The following SYNE1 variants were observed in gnomAD, a reference collection of about 807,000 sequenced individuals.
SYNE1 encodes nesprin-1.
In SYNE1, 616 loss-of-function variants were observed where a neutral mutation model predicts 1,111.0. The ratio of observed to expected loss-of-function variants is 0.55; its 90% confidence interval spans 0.52 to 0.59. The LOEUF (loss-of-function observed/expected upper bound fraction) is 0.59, where lower values mean the gene tolerates loss of function less well. Ranked by LOEUF, SYNE1 falls within the 20% of genes least tolerant of loss-of-function variation. The pLI is 0.00. For missense variants in SYNE1, 10,006 were observed against 10,417.0 expected, an observed-to-expected ratio of 0.96 and a Z score of 1.72; for synonymous variants, 3,855 against 3,825.8, an observed-to-expected ratio of 1.01 and a Z score of -0.28.
intron 4 of SYNE1, among the ~76,000 whole-genome samples, chr6:152,537,139 G>C (rs1594904489): frequency 6.6e-6 from 1 of 151,988 alleles, no homozygotes; most frequent in East Asian, 1.9e-4. Flanking sequence ...GAAAATTATA[G>C]GTTCAATGTC....
rs1319577220 is a variant in SYNE1, at chr6:152,155,534, G to A, written c.23978+376C>T. 1.2e-5 allele frequency: 4 copies of A among 339,702 alleles called. No individual in the cohort carries two copies. The East Asian group carries it at 2.3e-4, about 20-fold the overall frequency. 21.0% of individuals were successfully genotyped at this position (339,702 alleles called of 1,614,324 possible). A position where few individuals can be genotyped will look rare whatever the true frequency, so the allele number is the denominator to read the frequency against. On this transcript the variant is annotated intron_variant, in intron 132 of 145. Coordinates refer to ENST00000367255, the MANE Select transcript of SYNE1 (RefSeq NM_182961.4). ...TGATGATCACTTTGTAACACAGCACGATTTTCTGCCACCTTGAATTTCAAA... is the reference window on the plus strand; with the variant it reads ...TGATGATCACTTTGTAACACAGCACAATTTTCTGCCACCTTGAATTTCAAA...
In SYNE1 at chr6:152,442,150, G is replaced by A. The variant is rs774093065; in HGVS notation, c.3933C>T (p.His1311=). 1.9e-6 allele frequency: 3 copies of A among 1,613,770 alleles called. No individual in the cohort carries two copies. Among genetic ancestry groups the A allele is most frequent in the Admixed American group, 1.7e-5 (1 of 60,016 alleles). ...TGCTCTCCAGCTTCCGCAGCTCCTC[G>A]TGGCCTCGGTCAGGCAGCCCCCCTT... is the stretch of plus-strand genomic sequence containing the variant. The part of the protein sequence containing the change: ...QGEGGLPDRG[H]EELRKLESTL... The change falls in exon 31 of 146, where the codon CAC becomes CAT. Residue 1311 remains histidine, a synonymous_variant. Transcript: ENST00000367255.
chr6:152,613,784 A>G (rs1234516567), intron 3 of SYNE1, among the ~76,000 whole-genome samples: 1 of 150,400 alleles, frequency 6.6e-6, no homozygotes, highest in African/African-American at 2.4e-5. Flanking sequence ...GTACCAAAAC[A>G]GATATATAGA....
At chr6:152,567,771 C>T (rs1399399667) in intron 3 of SYNE1, among the ~76,000 whole-genome samples, 1 of 152,062 alleles carries the variant, frequency 6.6e-6, no homozygotes, top group Non-Finnish European at 1.5e-5. Flanking sequence ...CTGACTTCCT[C>T]ATGTAGAAAA....
At position 152,278,398 on chromosome 6, in the gene SYNE1, T is replaced by C. The variant is rs369199155; in HGVS notation, c.18382-118A>G. ...TTACGAAACGGACAGGCTTTCATGATTTTTTGTAGTTTTCCCACGGCCTTG... is the reference window on the plus strand; with the variant it reads ...TTACGAAACGGACAGGCTTTCATGACTTTTTGTAGTTTTCCCACGGCCTTG... On this transcript the variant is annotated intron_variant, in intron 97 of 145. Coordinates refer to ENST00000367255, the MANE Select transcript of SYNE1 (RefSeq NM_182961.4). 3 of 1,209,122 alleles carry C rather than the reference T, an allele frequency of 2.5e-6. No individual in the cohort carries two copies. The African/African-American group carries it at 4.4e-5, about 18-fold the overall frequency. The allele number at this position is 1,209,122 out of a possible 1,614,324, so 74.9% of individuals were successfully genotyped here.
In SYNE1 at chr6:152,450,791, T is replaced by C; in HGVS notation, c.3229A>G (p.Arg1077Gly). ...CAGAGTTCCTCGATGAGCTGTAACC[T>C]TTTCTCACAGAGATGATGAGGACCT... ...DKGPHHLCEKRLQLIEELCVK... is the reference protein window; with the variant it reads ...DKGPHHLCEKGLQLIEELCVK... The change falls in exon 27 of 146, where the codon AGG becomes GGG. Residue 1077 changes from arginine to glycine, a missense_variant. This residue lies in a region of SYNE1 where 1,971 missense variants were observed against 2,084.1 expected (regional missense o/e 0.95). Transcript: ENST00000367255. 1 of 1,614,102 alleles carries C rather than the reference T, an allele frequency of 6.2e-7. No homozygotes were observed. Among genetic ancestry groups the C allele is most frequent in the Non-Finnish European group, 8.5e-7 (1 of 1,180,032 alleles).
intron 117 of SYNE1, among the ~76,000 whole-genome samples, chr6:152,222,792 G>A (rs1217039596): frequency 6.6e-6 from 1 of 152,146 alleles, no homozygotes; most frequent in Non-Finnish European, 1.5e-5. Flanking sequence ...CTACACAGGA[G>A]GGATAAGCTT....
chr6:152,235,100 C>T (rs763390720), intron 110 of SYNE1, among the ~76,000 whole-genome samples: 11 of 152,118 alleles, frequency 7.2e-5, no homozygotes, highest in African/African-American at 2.2e-4. Context: ...GAAATAAAGG[C>T]GGCTTAGACA....
chr6:152,465,015 C>T, intron 18 of SYNE1: 1 of 537,824 alleles, frequency 1.9e-6, no homozygotes, highest in Non-Finnish European at 3.3e-6. Flanking sequence ...CATAGACAGA[C>T]TTCAGGGTAA....
chr6:152,330,371 A>G lies in SYNE1; in HGVS notation c.14314T>C (p.Leu4772=). 6.2e-7 allele frequency: 1 copy of G among 1,614,092 alleles called. No individual in the cohort carries two copies. Among genetic ancestry groups the G allele is most frequent in the Non-Finnish European group, 8.5e-7 (1 of 1,180,016 alleles). ...LKRQTEQRVS[L]LEDTTSAYQE... is the part of the protein sequence containing the mutation. ...TAAGCACTGGTGGTGTCTTCTAATA[A>G]GCTAACCCTCTGTTCTGTTTGTCGC... is the stretch of plus-strand genomic sequence containing the variant. Residue 4772 remains leucine (L), a synonymous_variant, in exon 78 of 146, where the codon TTA becomes CTA. Coordinates refer to ENST00000367255, the MANE Select transcript of SYNE1 (RefSeq NM_182961.4).
At chr6:152,501,378 C>T (rs538480179) in intron 10 of SYNE1, among the ~76,000 whole-genome samples, 3 of 152,140 alleles carry the variant, frequency 2.0e-5, no homozygotes, top group South Asian at 2.1e-4. Flanking sequence ...CAAGGCAACA[C>T]GAAAAACATT....
intron 86 of SYNE1, 85 bp from the exon 87 acceptor site, chr6:152,317,071 A>C (rs2095744020): frequency 6.6e-7 from 1 of 1,513,714 alleles, no homozygotes; most frequent in African/African-American, 1.4e-5. Context: ...CTTTGGACAC[A>C]ACAGTCTTAG....
In SYNE1 at chr6:152,188,677, G is replaced by A. The variant is rs545608765; in HGVS notation, c.23301+575C>T. Among the ~76,000 whole-genome samples, 19 of 151,862 alleles carry A rather than the reference G, an allele frequency of 1.3e-4. 1 individual carries two copies. In the East Asian group the frequency reaches 1.6e-3, roughly 12 times the overall value. ...TTTCTCTTAAAAATATTATGCCAGC[G>A]GCCAGGCACGGTGGCTCACGCCTGC... On this transcript the variant is annotated intron_variant, in intron 128 of 145. Coordinates refer to ENST00000367255, the MANE Select transcript of SYNE1 (RefSeq NM_182961.4).
Position 152,390,414 on chromosome 6 carries a change from CA to C in SYNE1, c.8042del (p.Leu2681Ter). ...GTTCCCCCTTGCCAATGGCCATATT[CA>C]ACTTAACTTCCCCTTCACCTTTCAT... is the stretch of plus-strand genomic sequence containing the variant. ...LLMKGEGEVK[L>X]NMAIGKGEQA... On this transcript the variant is annotated frameshift_variant, in exon 53 of 146. Coordinates refer to ENST00000367255, the MANE Select transcript of SYNE1 (RefSeq NM_182961.4). LOFTEE classifies it high-confidence loss of function. 6.2e-7 allele frequency: 1 copy of C among 1,614,098 alleles called. No homozygotes were observed. Among genetic ancestry groups the C allele is most frequent in the Non-Finnish European group, 8.5e-7 (1 of 1,180,008 alleles).
chr6:152,310,111 A>G (rs1470270549), intron 89 of SYNE1, 94 bp from the exon 90 acceptor site: 2 of 1,391,588 alleles, frequency 1.4e-6, no homozygotes, highest in African/African-American at 1.9e-5. Flanking sequence ...TGCAAGTTAT[A>G]AACATTTTGC....
At chr6:152,568,329 C>T (rs560659324) in intron 3 of SYNE1, among the ~76,000 whole-genome samples, 4 of 107,436 alleles carry the variant, frequency 3.7e-5, no homozygotes, top group Non-Finnish European at 7.0e-5. Flanking sequence ...TAGCATCTCT[C>T]GCTCTTTTGC....
In SYNE1 at chr6:152,201,858, T is replaced by A. The variant is rs1208514044; in HGVS notation, c.23111A>T (p.His7704Leu). The change falls in exon 127 of 146, where the codon CAT (histidine) becomes CTT (leucine). Residue 7704 changes from histidine to leucine, a missense_variant. Around this residue, in one of 7 missense-constraint regions of SYNE1, gnomAD observed 2,182 missense variants for 2,287.8 expected, o/e 0.95. Coordinates refer to ENST00000367255, the MANE Select transcript of SYNE1 (RefSeq NM_182961.4). ...KKLSQSLPDHHEELHAEQMRC... is the reference protein window; with the variant it reads ...KKLSQSLPDHLEELHAEQMRC... Reference sequence around the variant, plus strand: ...CATTTGTTCTGCATGGAGCTCTTCATGGTGATCCGGGAGAGACTGCGAAAG... The same window carrying A: ...CATTTGTTCTGCATGGAGCTCTTCAAGGTGATCCGGGAGAGACTGCGAAAG... 6.2e-7 allele frequency: 1 copy of A among 1,613,856 alleles called. No individual in the cohort carries two copies. Among genetic ancestry groups the A allele is most frequent in the Non-Finnish European group, 8.5e-7 (1 of 1,179,842 alleles).
chr6:152,523,413 G>A (rs1483089678), intron 5 of SYNE1, among the ~76,000 whole-genome samples: 1 of 152,046 alleles, frequency 6.6e-6, no homozygotes, highest in Non-Finnish European at 1.5e-5. Flanking sequence ...ATTGGTCTAT[G>A]TATCTACTTT....
At chr6:152,417,521 C>CAAACAAACAAAAA (rs139258214) in intron 40 of SYNE1, among the ~76,000 whole-genome samples, 34 of 151,644 alleles carry the variant, frequency 2.2e-4, no homozygotes, top group African/African-American at 8.2e-4. Context: ...AACAAACAAA[C>CAAACAAACAAAAA]AAACACAACT....
Sources: gnomAD v4.1 joint callset for allele counts (sites outside exome capture counted in the v4.1 genomes callset) on GRCh38, gnomAD v4.1.1 for gene constraint, gnomAD v4.1.1 regional missense constraint, MANE v1.5 for transcripts, NCBI Gene and HGNC (gene_info 2026-07-23, HGNC 2026-07-21) for gene names.